SHROOM3: variants seen among roughly 807,000 people sequenced by gnomAD.
SHROOM3 encodes protein Shroom3.
A neutral mutation model predicts 138.6 loss-of-function variants in SHROOM3; 47 were observed. The observed-to-expected ratio is 0.34, with a 90% confidence interval of 0.27 to 0.43. The LOEUF is 0.43. Among genes scored for constraint, SHROOM3 ranks in the 20% least tolerant of loss-of-function variants. The pLI is 1.00. For missense variants in SHROOM3, 2,491 were observed against 2,596.5 expected (o/e 0.96, Z 0.88); for synonymous variants, 1,062 against 1,063.3 (o/e 1.00, Z 0.02).
chr4:76,598,499 A>T (rs1431717143), intron 2 of SHROOM3, among the ~76,000 whole-genome samples: 1 of 152,198 alleles, frequency 6.6e-6, no homozygotes, highest in African/African-American at 2.4e-5. Flanking sequence ...AGCTTACACA[A>T]AGACAGAGAG....
intron 1 of SHROOM3, among the ~76,000 whole-genome samples, chr4:76,493,942 G>A (rs891575425): frequency 4.6e-5 from 7 of 152,178 alleles, no homozygotes; most frequent in African/African-American, 1.7e-4. Flanking sequence ...TTATGCCACT[G>A]CACTCCAGCT....
intron 10 of SHROOM3, among the ~76,000 whole-genome samples, chr4:76,772,528 T>A (rs1722397891): frequency 6.6e-6 from 1 of 152,204 alleles, no homozygotes; most frequent in Non-Finnish European, 1.5e-5. Flanking sequence ...AAAGTCTGGA[T>A]CCTAAACATT....
At chr4:76,557,474 G>A (rs1207439677) in intron 2 of SHROOM3, among the ~76,000 whole-genome samples, 1 of 152,154 alleles carries the variant, frequency 6.6e-6, no homozygotes, top group African/African-American at 2.4e-5. Context: ...CAGGGGAAAT[G>A]GGGAGATGTT....
Position 76,782,004 on chromosome 4 carries a change from C to G in SHROOM3, c.*2827C>G, listed in dbSNP as rs962829984. On this transcript the variant is annotated 3_prime_UTR_variant, in exon 11 of 11. Coordinates refer to ENST00000296043, the MANE Select transcript of SHROOM3 (RefSeq NM_020859.4). ...TTGCAATACTCCAAATGCAGATACT[C>G]CAGCCACCCGCAAGGTTCCAGGAAA... The G allele has an allele frequency of 2.0e-5, 3 of 152,180 alleles. No homozygotes were observed. The highest frequency in any genetic ancestry group is 7.2e-5 in the African/African-American group (3 of 41,438). 9.4% of individuals were successfully genotyped at this position (152,180 alleles called of 1,614,324 possible).
chr4:76,748,863 G>A (rs1401234433), intron 5 of SHROOM3, among the ~76,000 whole-genome samples, 154 bp from the exon 6 acceptor site: 1 of 136,912 alleles, frequency 7.3e-6, no homozygotes, highest in Non-Finnish European at 1.5e-5. Context: ...CTCCTGCATC[G>A]ATGCCATGGG....
intron 3 of SHROOM3, among the ~76,000 whole-genome samples, chr4:76,719,986 T>G (rs1175897394): frequency 6.6e-6 from 1 of 152,178 alleles, no homozygotes; most frequent in African/African-American, 2.4e-5. Flanking sequence ...CCAGGACATA[T>G]TATCAGGATG....
At chr4:76,707,418 T>C (rs1720089355) in intron 2 of SHROOM3, among the ~76,000 whole-genome samples, 1 of 152,172 alleles carries the variant, frequency 6.6e-6, no homozygotes, top group Non-Finnish European at 1.5e-5. Flanking sequence ...AAAAAAGTTG[T>C]GGGAATAATA....
chr4:76,525,134 G>C (rs1732662986), intron 1 of SHROOM3, among the ~76,000 whole-genome samples: 1 of 152,132 alleles, frequency 6.6e-6, no homozygotes. Flanking sequence ...CTAAAGAACT[G>C]CCCAAGACTG....
chr4:76,640,362 C>T (rs375225297), intron 2 of SHROOM3, among the ~76,000 whole-genome samples: 3 of 152,198 alleles, frequency 2.0e-5, no homozygotes, highest in South Asian at 2.1e-4. Context: ...TGCTCTCCCG[C>T]GTCAGAAGTG....
chr4:76,709,934 G>A (rs1388520171), intron 2 of SHROOM3: 1 of 531,064 alleles, frequency 1.9e-6, no homozygotes, highest in Non-Finnish European at 3.4e-6. Flanking sequence ...TTGCTTCAGA[G>A]GAACATGGAT....
At chr4:76,630,448 A>T (rs1407106605) in intron 2 of SHROOM3, among the ~76,000 whole-genome samples, 1 of 152,164 alleles carries the variant, frequency 6.6e-6, no homozygotes. Context: ...TTATGCATTA[A>T]CTTTGGTGGC....
At chr4:76,604,724 A>G (rs1418897823) in intron 2 of SHROOM3, among the ~76,000 whole-genome samples, 1 of 152,232 alleles carries the variant, frequency 6.6e-6, no homozygotes, top group Non-Finnish European at 1.5e-5. Flanking sequence ...CAGTATAGGA[A>G]ACAGAAATAG....
chr4:76,710,147 T>C lies in SHROOM3; in HGVS notation c.324-9T>C, dbSNP rs776280891. 1 of 1,614,000 alleles carries C rather than the reference T, an allele frequency of 6.2e-7. No individual in the cohort carries two copies. The highest frequency in any genetic ancestry group is 8.5e-7 in the Non-Finnish European group (1 of 1,179,964). Reference sequence around the variant, plus strand: ...CATGCTCAGCTTCTTCTTTTCCTATTGTTGACAGAGATGTGTGCACAGACC... The same window carrying C: ...CATGCTCAGCTTCTTCTTTTCCTATCGTTGACAGAGATGTGTGCACAGACC... On this transcript the variant is annotated splice_polypyrimidine_tract_variant and intron_variant, in intron 2 of 10. Transcript: ENST00000296043.
intron 2 of SHROOM3, among the ~76,000 whole-genome samples, chr4:76,614,014 G>A (rs1288697534): frequency 6.7e-6 from 1 of 149,248 alleles, no homozygotes; most frequent in South Asian, 2.2e-4. Context: ...AATCTAAATG[G>A]CCCCTTTTTC....
intron 1 of SHROOM3, among the ~76,000 whole-genome samples, chr4:76,458,479 T>C (rs532123412): frequency 6.6e-6 from 1 of 152,344 alleles, no homozygotes; most frequent in South Asian, 2.1e-4. Flanking sequence ...TACATTGTTG[T>C]GCAACCATCA....
rs757837533 is a variant in SHROOM3 at position 76,739,250 on chromosome 4, A to G, written c.1077A>G (p.Pro359=). The part of the protein sequence containing the change: ...NIPRGKGVPP[P]SWSQQCPSSL... ...CTCGGGGCAAGGGAGTGCCACCCCCATCCTGGAGCCAGCAGTGCCCCAGTT... is the reference window on the plus strand; with the variant it reads ...CTCGGGGCAAGGGAGTGCCACCCCCGTCCTGGAGCCAGCAGTGCCCCAGTT... Residue 359 remains proline, a synonymous_variant, in exon 5 of 11, where the codon CCA becomes CCG. Coordinates refer to ENST00000296043, the MANE Select transcript of SHROOM3 (RefSeq NM_020859.4). The G allele has an allele frequency of 1.8e-5, 29 of 1,614,088 alleles. No homozygotes were observed. The highest frequency in any genetic ancestry group is 2.5e-5 in the Non-Finnish European group (29 of 1,180,030).
intron 4 of SHROOM3, 83 bp from the exon 5 acceptor site, chr4:76,738,678 A>T: frequency 6.6e-7 from 1 of 1,523,096 alleles, no homozygotes; most frequent in East Asian, 2.2e-5. Context: ...GCACAAGAGA[A>T]CATTTATAAG....
intron 2 of SHROOM3, among the ~76,000 whole-genome samples, chr4:76,657,519 C>T (rs1310480242): frequency 1.3e-5 from 2 of 152,104 alleles, no homozygotes; most frequent in Non-Finnish European, 1.5e-5. Context: ...TCATTACTAG[C>T]GCTAACATTT....
intron 1 of SHROOM3, among the ~76,000 whole-genome samples, chr4:76,490,507 G>A (rs2137153): frequency 0.43 from 65,966 of 151,686 alleles, 15,280 homozygotes; most frequent in Non-Finnish European, 0.52. Flanking sequence ...TGCCTGTCTC[G>A]GCCTGTCAAA....
Sources: gnomAD v4.1 joint callset for allele counts (sites outside exome capture counted in the v4.1 genomes callset) on GRCh38, gnomAD v4.1.1 for gene constraint, MANE v1.5 for transcripts, NCBI Gene and HGNC (gene_info 2026-07-23, HGNC 2026-07-21) for gene names.